The following LRRC7 variants were observed in gnomAD, a reference collection of about 807,000 sequenced individuals.
LRRC7 encodes the protein leucine rich repeat containing 7.
Under a neutral mutation model 175.7 loss-of-function variants are expected in LRRC7, and 23 were observed. That is an observed-to-expected ratio of 0.13 (90% CI 0.09 to 0.19). The LOEUF is 0.19. Among genes scored for constraint, LRRC7 ranks in the 10% least tolerant of loss-of-function variants. LRRC7 has a pLI of 1.00. For missense variants in LRRC7, 1,354 were observed against 1,904.7 expected (o/e 0.71, Z 5.38); for synonymous variants, 685 against 680.9 (o/e 1.01, Z -0.09).
At chr1:69,727,534 G>T (rs1034173105) in intron 2 of LRRC7, among the ~76,000 whole-genome samples, 1 of 151,906 alleles carries the variant, frequency 6.6e-6, no homozygotes, top group East Asian at 2.0e-4. Context: ...TACCATAGGG[G>T]ACAATACAAG....
intron 11 of LRRC7, among the ~76,000 whole-genome samples, chr1:70,001,218 G>A (rs975686671): frequency 3.9e-4 from 60 of 152,028 alleles, no homozygotes; most frequent in African/African-American, 1.3e-3. Context: ...TATAGAAATC[G>A]AAATCAGTGT....
intron 1 of LRRC7, among the ~76,000 whole-genome samples, chr1:69,624,834 G>T (rs1436447862): frequency 2.0e-5 from 3 of 151,840 alleles, no homozygotes; most frequent in African/African-American, 4.8e-5. Context: ...TCACCTTCTG[G>T]ACTGTTGTTT....
At chr1:69,739,996 G>A (rs1055734254) in intron 2 of LRRC7, among the ~76,000 whole-genome samples, 4 of 151,992 alleles carry the variant, frequency 2.6e-5, no homozygotes, top group African/African-American at 7.2e-5. Context: ...GCAACAGAAC[G>A]CTACTGAAGA....
intron 3 of LRRC7, among the ~76,000 whole-genome samples, chr1:69,790,287 A>G (rs1674960576): frequency 6.6e-6 from 1 of 152,012 alleles, no homozygotes; most frequent in South Asian, 2.1e-4. Context: ...GATTCCACAT[A>G]CCATATTCTT....
At position 69,924,859 on chromosome 1, in the gene LRRC7, G is replaced by A. The variant is rs150044901; in HGVS notation, c.648-6648G>A. ...ATGTTGAATAGGAGTGGTGAGAGAG[G>A]GCATCCCTGTCTTGTGCCAGTTTTC... On this transcript the variant is annotated intron_variant, in intron 7 of 26. Transcript: ENST00000651989. Among the ~76,000 whole-genome samples the A allele has an allele frequency of 5.6e-3, 845 of 152,240 alleles. 9 individuals are homozygous for A. The highest frequency in any genetic ancestry group is 0.019 in the African/African-American group (802 of 41,536).
chr1:69,670,952 G>A (rs183426744), intron 1 of LRRC7, among the ~76,000 whole-genome samples: 10 of 152,274 alleles, frequency 6.6e-5, no homozygotes, highest in Admixed American at 6.5e-4. Context: ...ATGTCATGCA[G>A]GAGTCGAGGC....
chr1:69,672,923 C>A (rs886329093), intron 1 of LRRC7, among the ~76,000 whole-genome samples: 2 of 152,148 alleles, frequency 1.3e-5, no homozygotes, highest in African/African-American at 4.8e-5. Context: ...ACTTGGCAAG[C>A]CTTTGATTGT....
intron 1 of LRRC7, among the ~76,000 whole-genome samples, chr1:69,662,019 A>C (rs1416451423): frequency 6.6e-6 from 1 of 152,132 alleles, no homozygotes; most frequent in Non-Finnish European, 1.5e-5. Context: ...TGAGCAGAAC[A>C]GTTTTTTCAT....
chr1:69,851,744 C>A lies in LRRC7; in HGVS notation c.647+13461C>A, dbSNP rs1234168876. Among the ~76,000 whole-genome samples the A allele has an allele frequency of 2.0e-5, 3 of 152,256 alleles. No homozygotes were observed. In the East Asian group the frequency reaches 5.8e-4, roughly 29 times the overall value. Reference sequence around the variant, plus strand: ...ATGGACAAGGGTGGTGTCCTAGAATCTTCTGGCGGTGTTGACCACCTATTT... The same window carrying A: ...ATGGACAAGGGTGGTGTCCTAGAATATTCTGGCGGTGTTGACCACCTATTT... On this transcript the variant is annotated intron_variant, in intron 7 of 26. Transcript: ENST00000651989.
At position 70,128,616 on chromosome 1, in the gene LRRC7, T is replaced by A. The variant is rs898258961; in HGVS notation, c.*6729T>A. The A allele has an allele frequency of 1.3e-5, 2 of 152,160 alleles. No individual in the cohort carries two copies. Among genetic ancestry groups the A allele is most frequent in the Non-Finnish European group, 2.9e-5 (2 of 68,040 alleles). 9.4% of individuals were successfully genotyped at this position (152,160 alleles called of 1,614,324 possible). On this transcript the variant is annotated 3_prime_UTR_variant, in exon 27 of 27. Coordinates refer to ENST00000651989, the MANE Select transcript of LRRC7 (RefSeq NM_001370785.2). ...CTGAAAACATTTGGAGACATTTCAT[T>A]GAAGAATATAACAAAAACATTAAAT...
chr1:69,869,221 C>T (rs1001760400), intron 7 of LRRC7, among the ~76,000 whole-genome samples: 3 of 151,762 alleles, frequency 2.0e-5, no homozygotes, highest in African/African-American at 7.3e-5. Flanking sequence ...TGGCAAAACT[C>T]GGATTATTCT....
intron 1 of LRRC7, among the ~76,000 whole-genome samples, chr1:69,598,280 T>C (rs1646920742): frequency 6.6e-6 from 1 of 152,134 alleles, no homozygotes; most frequent in Non-Finnish European, 1.5e-5. Flanking sequence ...AGAAAGTATG[T>C]TTTGATCTGG....
Position 69,905,175 on chromosome 1 carries a change from G to C in LRRC7, c.648-26332G>C, listed in dbSNP as rs184863536. Among the ~76,000 whole-genome samples the C allele has an allele frequency of 2.6e-4, 39 of 152,154 alleles. 1 individual carries two copies. The highest frequency in any genetic ancestry group is 2.2e-3 in the Admixed American group (33 of 15,250). On this transcript the variant is annotated intron_variant, in intron 7 of 26. Transcript: ENST00000651989. ...TACACATGCATATGCCTTTATGCTA[G>C]AGTAATTTATATTCCTTTGGGTATA... is the stretch of plus-strand genomic sequence containing the variant.
At chr1:69,845,328 T>A (rs973846556) in intron 7 of LRRC7, among the ~76,000 whole-genome samples, 1 of 152,138 alleles carries the variant, frequency 6.6e-6, no homozygotes, top group African/African-American at 2.4e-5. Context: ...ATGTGACTAA[T>A]ATATGCACTG....
intron 2 of LRRC7, among the ~76,000 whole-genome samples, chr1:69,725,482 C>T (rs1201937214): frequency 1.3e-5 from 2 of 152,118 alleles, no homozygotes; most frequent in East Asian, 3.9e-4. Context: ...TGAAGAATAA[C>T]CTAAAATTGA....
At chr1:69,691,627 G>A (rs977814550) in intron 2 of LRRC7, among the ~76,000 whole-genome samples, 1 of 151,814 alleles carries the variant, frequency 6.6e-6, no homozygotes, top group Non-Finnish European at 1.5e-5. Flanking sequence ...GCGAAACTCT[G>A]TCTCTACAAA....
chr1:69,979,462 GT>G (rs1268351126), intron 8 of LRRC7, among the ~76,000 whole-genome samples: 1 of 152,132 alleles, frequency 6.6e-6, no homozygotes, highest in Admixed American at 6.6e-5. Flanking sequence ...TATACTACAT[GT>G]TACACTTTGA....
intron 7 of LRRC7, among the ~76,000 whole-genome samples, chr1:69,862,238 C>G (rs1684431426): frequency 6.6e-6 from 1 of 152,148 alleles, no homozygotes; most frequent in South Asian, 2.1e-4. Context: ...CTACACAACT[C>G]TCAGCCAGAC....
chr1:69,778,641 T>C (rs1438036734), intron 3 of LRRC7, among the ~76,000 whole-genome samples: 1 of 152,050 alleles, frequency 6.6e-6, no homozygotes, highest in Non-Finnish European at 1.5e-5. Flanking sequence ...TTAGAGAACA[T>C]GGAACTAGCT....
Sources: allele counts gnomAD v4.1 joint callset (sites outside exome capture counted in the v4.1 genomes callset), GRCh38; gene constraint gnomAD v4.1.1; transcripts MANE v1.5; gene names NCBI Gene and HGNC (gene_info 2026-07-23, HGNC 2026-07-21).